The following EYA4 variants were observed in gnomAD, a reference collection of about 807,000 sequenced individuals.
EYA4 encodes the protein EYA transcriptional coactivator and phosphatase 4.
A neutral mutation model predicts 87.9 loss-of-function variants in EYA4; 31 were observed. That is an observed-to-expected ratio of 0.35 (90% CI 0.27 to 0.48). EYA4 has a LOEUF of 0.48. Ranked by LOEUF, EYA4 falls within the 20% of genes least tolerant of loss-of-function variation. The pLI, the probability that EYA4 is intolerant of heterozygous loss-of-function variation, is 0.99. For missense variants in EYA4, 678 were observed against 761.4 expected, an observed-to-expected ratio of 0.89 and a Z score of 1.29; for synonymous variants, 263 against 270.6, an observed-to-expected ratio of 0.97 and a Z score of 0.28.
chr6:133,300,251 G>C (rs866049461), intron 2 of EYA4, among the ~76,000 whole-genome samples: 1 of 151,842 alleles, frequency 6.6e-6, no homozygotes, highest in African/African-American at 2.4e-5. Flanking sequence ...TTGCTGTCTC[G>C]GGGATGGCAG....
chr6:133,482,429 CA>C (rs1562472591), intron 12 of EYA4, among the ~76,000 whole-genome samples: 1 of 152,186 alleles, frequency 6.6e-6, no homozygotes, highest in African/African-American at 2.4e-5. Context: ...CTGTCACTGC[CA>C]TGTAGGAATG....
chr6:133,383,761 C>T (rs1786461125), intron 3 of EYA4, among the ~76,000 whole-genome samples: 1 of 151,866 alleles, frequency 6.6e-6, no homozygotes, highest in African/African-American at 2.4e-5. Context: ...GATCTTTGTT[C>T]TGTGTAATTA....
intron 2 of EYA4, among the ~76,000 whole-genome samples, chr6:133,309,890 G>C (rs1205930381): frequency 6.6e-6 from 1 of 152,132 alleles, no homozygotes; most frequent in Non-Finnish European, 1.5e-5. Flanking sequence ...AAGGTAGTGG[G>C]GAAAAGTTTC....
Position 133,519,550 on chromosome 6 carries a change from G to A in EYA4, c.1617-3506G>A, listed in dbSNP as rs1254003018. Among the ~76,000 whole-genome samples the A allele has an allele frequency of 7.8e-3, 1,185 of 151,486 alleles. 9 individuals carry two copies. Among genetic ancestry groups the A allele is most frequent in the Non-Finnish European group, 0.013 (859 of 67,774 alleles). ...TCCAGGACCAGATGGATTCACAGCCGAATTCTACCAGAGGTACAAGGAGGA... is the reference window on the plus strand; with the variant it reads ...TCCAGGACCAGATGGATTCACAGCCAAATTCTACCAGAGGTACAAGGAGGA... On this transcript the variant is annotated intron_variant, in intron 17 of 19. Transcript: ENST00000355286.
chr6:133,336,241 T>C (rs1053436752), intron 2 of EYA4, among the ~76,000 whole-genome samples: 22 of 152,144 alleles, frequency 1.4e-4, no homozygotes, highest in African/African-American at 4.8e-4. Flanking sequence ...CTAAAGACTG[T>C]TTACTAATAA....
chr6:133,261,555 G>A (rs188331357), intron 1 of EYA4, among the ~76,000 whole-genome samples: 2 of 152,104 alleles, frequency 1.3e-5, no homozygotes, highest in African/African-American at 2.4e-5. Context: ...TGACTTAATC[G>A]AGGAGTTGTT....
intron 2 of EYA4, among the ~76,000 whole-genome samples, chr6:133,316,569 C>A (rs1316231975): frequency 6.6e-6 from 1 of 152,164 alleles, no homozygotes; most frequent in Non-Finnish European, 1.5e-5. Flanking sequence ...CCTACCAATT[C>A]CACGACTGTC....
chr6:133,301,859 G>A (rs1385434849), intron 2 of EYA4, among the ~76,000 whole-genome samples: 3 of 152,246 alleles, frequency 2.0e-5, no homozygotes, highest in Non-Finnish European at 4.4e-5. Context: ...TTCAGGAGCA[G>A]AAGGATGAAT....
At chr6:133,344,050 C>G (rs1783015255) in intron 2 of EYA4, among the ~76,000 whole-genome samples, 1 of 152,160 alleles carries the variant, frequency 6.6e-6, no homozygotes, top group Admixed American at 6.5e-5. Flanking sequence ...ACCTCTTACT[C>G]TTGAGAAGCG....
chr6:133,326,825 C>T (rs943911812), intron 2 of EYA4, among the ~76,000 whole-genome samples: 1 of 152,188 alleles, frequency 6.6e-6, no homozygotes. Context: ...CCGGTGACGT[C>T]GTCATCTTCC....
intron 2 of EYA4, among the ~76,000 whole-genome samples, chr6:133,318,216 G>A (rs1250105018): frequency 6.6e-6 from 1 of 152,172 alleles, no homozygotes; most frequent in Non-Finnish European, 1.5e-5. Flanking sequence ...CTGCCTTGTG[G>A]TAGGGGTTGG....
chr6:133,349,230 A>G (rs1241669858), intron 2 of EYA4, among the ~76,000 whole-genome samples: 2 of 152,208 alleles, frequency 1.3e-5, no homozygotes, highest in African/African-American at 4.8e-5. Flanking sequence ...TTATAATAGC[A>G]TTCATTCCTC....
intron 2 of EYA4, among the ~76,000 whole-genome samples, chr6:133,319,813 T>C (rs573591823): frequency 6.6e-6 from 1 of 151,806 alleles, no homozygotes; most frequent in Admixed American, 6.6e-5. Context: ...ATTTCCCAGC[T>C]CAAGCGATCC....
chr6:133,414,320 T>G (rs1486717991), intron 3 of EYA4, among the ~76,000 whole-genome samples: 2 of 152,228 alleles, frequency 1.3e-5, no homozygotes, highest in Non-Finnish European at 2.9e-5. Context: ...AACAGTTTTC[T>G]CTGCCAACAA....
chr6:133,253,694 C>T (rs150373686), intron 1 of EYA4, among the ~76,000 whole-genome samples: 303 of 152,176 alleles, frequency 2.0e-3, no homozygotes, highest in Non-Finnish European at 3.5e-3. Context: ...CAAGGCTTAG[C>T]TCAAATGTCA....
intron 10 of EYA4, among the ~76,000 whole-genome samples, chr6:133,465,464 C>T (rs1794764162): frequency 6.6e-6 from 1 of 152,118 alleles, no homozygotes; most frequent in Admixed American, 6.6e-5. Context: ...AGTCCTCCTT[C>T]TAATTATGTT....
chr6:133,322,509 T>G (rs917207195), intron 2 of EYA4, among the ~76,000 whole-genome samples: 4 of 152,140 alleles, frequency 2.6e-5, no homozygotes, highest in Admixed American at 2.6e-4. Flanking sequence ...AAGAAATGTG[T>G]GTATGAGTAA....
Position 133,251,322 on chromosome 6 carries a change from G to A in EYA4, c.-66+9573G>A, listed in dbSNP as rs939951359. 3.9e-5 allele frequency among the ~76,000 whole-genome samples: 6 copies of A among 152,032 alleles called. No homozygotes were observed. The East Asian group carries it at 9.6e-4, about 24-fold the overall frequency. On this transcript the variant is annotated intron_variant, in intron 1 of 19. Coordinates refer to ENST00000355286, the MANE Select transcript of EYA4 (RefSeq NM_004100.5). ...ATTTTCAATAGTCAGTGGGCCTGATGAACTCAATGTAAACTTTTTAAAAGG... is the reference window on the plus strand; with the variant it reads ...ATTTTCAATAGTCAGTGGGCCTGATAAACTCAATGTAAACTTTTTAAAAGG...
chr6:133,424,439 G>T (rs570930462), intron 3 of EYA4, among the ~76,000 whole-genome samples: 1 of 152,050 alleles, frequency 6.6e-6, no homozygotes, highest in Admixed American at 6.5e-5. Context: ...CCCTGGTCTC[G>T]GCCCCAACCC....
Sources: allele counts gnomAD v4.1 joint callset (sites outside exome capture counted in the v4.1 genomes callset), GRCh38; gene constraint gnomAD v4.1.1; transcripts MANE v1.5; gene names NCBI Gene and HGNC (gene_info 2026-07-23, HGNC 2026-07-21).